TRIM8: variants seen among roughly 807,000 people sequenced by gnomAD.
TRIM8 encodes the protein E3 ubiquitin-protein ligase TRIM8.
TRIM8 carries 9 observed loss-of-function variants against 55.7 expected under a neutral mutation model. That is an observed-to-expected ratio of 0.16 (90% CI 0.10 to 0.28). TRIM8 has a LOEUF of 0.28. Among genes scored for constraint, TRIM8 ranks in the 10% least tolerant of loss-of-function variants. TRIM8 has a pLI of 1.00. For missense variants in TRIM8, 556 were observed against 736.4 expected (o/e 0.76, Z 2.83); for synonymous variants, 335 against 333.3 (o/e 1.01, Z -0.06).
Position 102,656,469 on chromosome 10 carries a change from G to A in TRIM8, c.1048+84G>A. On this transcript the variant is annotated intron_variant, in intron 5 of 5. Coordinates refer to ENST00000643721, the MANE Select transcript of TRIM8 (RefSeq NM_030912.3). The surrounding 1 kb of genome is among the most constrained non-coding windows in gnomAD (Gnocchi z 4.6). ...CACAGCCTTCCCTCCAAGAGGCAGT[G>A]TGGCCCAGTCTGGGAGACCTGTCCT... 1 of 1,531,690 alleles carries A rather than the reference G, an allele frequency of 6.5e-7. No homozygotes were observed. Among genetic ancestry groups the A allele is most frequent in the African/African-American group, 1.4e-5 (1 of 72,856 alleles). The allele number at this position is 1,531,690 out of a possible 1,614,324, so 94.9% of individuals were successfully genotyped here.
intron 1 of TRIM8, among the ~76,000 whole-genome samples, chr10:102,650,622 C>A (rs2063976776): frequency 6.6e-6 from 1 of 152,198 alleles, no homozygotes; most frequent in African/African-American, 2.4e-5. Context: ...CCATGCACTG[C>A]TGTGGGGGGA....
rs560461246 is a variant in TRIM8 at position 102,656,050 on chromosome 10, C to T, written c.901-56C>T. ...GGCAGCTTTTGTCTTCCCCTCTCCC[C>T]GGGCTCTCCCTGGACTGCCTTTTCC... On this transcript the variant is annotated intron_variant, in intron 3 of 5. Transcript: ENST00000643721. This position sits in a 1 kb window ranked among gnomAD's most constrained non-coding sequence, Gnocchi z 4.6. The T allele has an allele frequency of 1.8e-5, 28 of 1,586,990 alleles. No homozygotes were observed. Among genetic ancestry groups the T allele is most frequent in the African/African-American group, 7.3e-5 (5 of 68,720 alleles).
rs2064036567 is a variant in TRIM8, at chr10:102,657,409, G to C, written c.*55G>C. The C allele has an allele frequency of 2.0e-6, 3 of 1,514,886 alleles. No homozygotes were observed. In the African/African-American group the frequency reaches 4.2e-5, roughly 21 times the overall value. The allele number at this position is 1,514,886 out of a possible 1,614,324, so 93.8% of individuals were successfully genotyped here. A position where few individuals can be genotyped will look rare whatever the true frequency, so the allele number is the denominator to read the frequency against. ...TCTTCCTCCCCAGCCCCCGGGCTCG[G>C]GAGTTATGCATCCAGAGACCTGCCC... On this transcript the variant is annotated 3_prime_UTR_variant, in exon 6 of 6. Transcript: ENST00000643721.
chr10:102,651,786 C>A (rs2063987090), intron 1 of TRIM8, among the ~76,000 whole-genome samples: 1 of 152,200 alleles, frequency 6.6e-6, no homozygotes, highest in East Asian at 1.9e-4. Flanking sequence ...CCTGATGTTC[C>A]CAGAGTGTCC....
chr10:102,653,566 T>C (rs1280393445), intron 1 of TRIM8: 1 of 152,792 alleles, frequency 6.5e-6, no homozygotes, highest in African/African-American at 2.4e-5. Flanking sequence ...GGAAAGGGGT[T>C]GTGGGGACAG....
intron 1 of TRIM8, 65 bp downstream of exon 1, chr10:102,645,252 C>G: frequency 7.1e-7 from 1 of 1,415,836 alleles, no homozygotes. Context: ...TCCTCTCTCC[C>G]GCCCCGGGAC....
Position 102,656,654 on chromosome 10 carries a change from A to G in TRIM8, c.1049-93A>G, listed in dbSNP as rs2064027517. The G allele has an allele frequency of 1.5e-5, 22 of 1,497,366 alleles. No homozygotes were observed. Among genetic ancestry groups the G allele is most frequent in the Non-Finnish European group, 1.9e-5 (21 of 1,121,352 alleles). 92.8% of individuals were successfully genotyped at this position (1,497,366 alleles called of 1,614,324 possible). On this transcript the variant is annotated intron_variant, in intron 5 of 5. Transcript: ENST00000643721. The surrounding 1 kb of genome is among the most constrained non-coding windows in gnomAD (Gnocchi z 4.6). ...TGAGATGTAACATTCTTGGGCCTCT[A>G]GGTGTCAATGGTCCCCAGGTCCAAC... is the stretch of plus-strand genomic sequence containing the variant.
intron 1 of TRIM8, 138 bp from the exon 2 acceptor site, chr10:102,654,515 G>A (rs2064008316): frequency 2.7e-6 from 2 of 727,660 alleles, no homozygotes; most frequent in Admixed American, 1.9e-5. Flanking sequence ...GATTGGAGGG[G>A]GCCAAAGGGG....
Position 102,656,023 on chromosome 10 carries a change from G to A in TRIM8, c.901-83G>A, listed in dbSNP as rs564791732. ...CACCCAGCCTGGGGGAGGCTCAGGG[G>A]GGGCAGCTTTTGTCTTCCCCTCTCC... On this transcript the variant is annotated intron_variant, in intron 3 of 5. Transcript: ENST00000643721. The surrounding 1 kb of genome is among the most constrained non-coding windows in gnomAD (Gnocchi z 4.6). The A allele has an allele frequency of 5.0e-6, 8 of 1,605,080 alleles. No individual in the cohort carries two copies. The highest frequency in any genetic ancestry group is 3.3e-5 in the South Asian group (3 of 90,742).
In TRIM8 at chr10:102,656,168, C is replaced by G; in HGVS notation, c.932+31C>G. ...CTGAGGGCCCTAGCCCTCCCGGGGG[C>G]ACATCCTGGGGAGGGCAGGGGGGCC... On this transcript the variant is annotated intron_variant, in intron 4 of 5. Transcript: ENST00000643721. This position sits in a 1 kb window ranked among gnomAD's most constrained non-coding sequence, Gnocchi z 4.6. 1.2e-6 allele frequency: 2 copies of G among 1,614,164 alleles called. No homozygotes were observed. Among genetic ancestry groups the G allele is most frequent in the Non-Finnish European group, 1.7e-6 (2 of 1,180,008 alleles).
intron 3 of TRIM8, 137 bp from the exon 4 acceptor site, chr10:102,655,969 T>A: frequency 1.1e-4 from 140 of 1,243,902 alleles, no homozygotes; most frequent in Middle Eastern, 1.9e-4. Context: ...CCCCTACCCC[T>A]GCCACTTTCT....
chr10:102,657,307 T>C lies in TRIM8; in HGVS notation c.1609T>C (p.Tyr537His), dbSNP rs756354864. ...CCAGCAGCCCGGCCACCAGGATTTC[T>C]ACAGGGTGTATGGGCAGCCGTCCAC... is the stretch of plus-strand genomic sequence containing the variant. Reference protein sequence around the residue: ...ASQQPGHQDFYRVYGQPSTKH... With the variant: ...ASQQPGHQDFHRVYGQPSTKH... The change falls in exon 6 of 6, where the codon TAC becomes CAC. Residue 537 changes from tyrosine to histidine, a missense_variant. Around this residue, in one of 2 missense-constraint regions of TRIM8, gnomAD observed 391 missense variants for 441.0 expected, o/e 0.89. Transcript: ENST00000643721. The C allele has an allele frequency of 1.6e-5, 26 of 1,611,582 alleles. No homozygotes were observed. Among genetic ancestry groups the C allele is most frequent in the Non-Finnish European group, 2.0e-5 (23 of 1,178,690 alleles).
chr10:102,656,343 G>A lies in TRIM8; in HGVS notation c.1006G>A (p.Glu336Lys), dbSNP rs2064024853. The A allele has an allele frequency of 2.5e-6, 4 of 1,614,008 alleles. No individual in the cohort carries two copies. In the African/African-American group the frequency reaches 4.0e-5, roughly 16 times the overall value. ...CCTGAACTCCAAGCTCTTCCTGAAC[G>A]AAGTGGCCAAGAAGGAGAAGCAGCT... is the stretch of plus-strand genomic sequence containing the variant. ...GHLNSKLFLN[E>K]VAKKEKQLRK... is the part of the protein sequence containing the mutation. The change falls in exon 5 of 6, where the codon GAA (glutamate) becomes AAA (lysine). Residue 336 changes from glutamate to lysine, a missense_variant. Coordinates refer to ENST00000643721, the MANE Select transcript of TRIM8 (RefSeq NM_030912.3). The surrounding 1 kb of genome is among the most constrained non-coding windows in gnomAD (Gnocchi z 4.6).
rs377610308 is a variant in TRIM8, at chr10:102,656,720, G to A, written c.1049-27G>A. 2 of 1,506,934 alleles carry A rather than the reference G, an allele frequency of 1.3e-6. No individual in the cohort carries two copies. The highest frequency in any genetic ancestry group is 1.8e-6 in the Non-Finnish European group (2 of 1,129,894). The allele number at this position is 1,506,934 out of a possible 1,614,324, so 93.3% of individuals were successfully genotyped here. Reference sequence around the variant, plus strand: ...CTGGGTTGCTTGGGGTGGGAGCTTTGGCGACTTTTGCCCCAACTCTCCACA... The same window carrying A: ...CTGGGTTGCTTGGGGTGGGAGCTTTAGCGACTTTTGCCCCAACTCTCCACA... On this transcript the variant is annotated intron_variant, in intron 5 of 5. Transcript: ENST00000643721. The surrounding 1 kb of genome is among the most constrained non-coding windows in gnomAD (Gnocchi z 4.6).
At chr10:102,654,543 G>T in intron 1 of TRIM8, 110 bp from the exon 2 acceptor site, 1 of 879,190 alleles carries the variant, frequency 1.1e-6, no homozygotes, top group Non-Finnish European at 1.9e-6. Context: ...GCAGAGGCTT[G>T]GTGCCATCGG....
chr10:102,650,952 C>T (rs1235860126), intron 1 of TRIM8, among the ~76,000 whole-genome samples: 1 of 152,190 alleles, frequency 6.6e-6, no homozygotes, highest in East Asian at 1.9e-4. Flanking sequence ...TATTTCCCAT[C>T]TTCCTTCCAG....
At position 102,657,521 on chromosome 10, in the gene TRIM8, T is replaced by A. The variant is rs2064037753; in HGVS notation, c.*167T>A. On this transcript the variant is annotated 3_prime_UTR_variant, in exon 6 of 6. Coordinates refer to ENST00000643721, the MANE Select transcript of TRIM8 (RefSeq NM_030912.3). ...TTTGTTTTGGTTTTGGCTTTGTTTT[T>A]GATTTTTTTTTATTATGAATCTCCT... The A allele has an allele frequency of 1.1e-6, 1 of 918,334 alleles. No individual in the cohort carries two copies. The highest frequency in any genetic ancestry group is 1.6e-6 in the Non-Finnish European group (1 of 642,406). The allele number at this position is 918,334 out of a possible 1,614,324, so 56.9% of individuals were successfully genotyped here.
At chr10:102,654,087 A>T (rs943916057) in intron 1 of TRIM8, 5 of 153,268 alleles carry the variant, frequency 3.3e-5, no homozygotes, top group African/African-American at 1.2e-4. Flanking sequence ...TGTACAGGAA[A>T]AGTGTTTAGA....
intron 1 of TRIM8, chr10:102,653,476 G>C (rs2135982006): frequency 6.5e-6 from 1 of 152,840 alleles, no homozygotes; most frequent in Middle Eastern, 3.4e-3. Context: ...GAGTCACGGA[G>C]AGTTTTTGAG....
Sources: gnomAD v4.1 joint callset for allele counts (sites outside exome capture counted in the v4.1 genomes callset) on GRCh38, gnomAD v4.1.1 for gene constraint, gnomAD v4.1.1 regional missense constraint, Gnocchi (gnomAD v3.1) non-coding constraint, MANE v1.5 for transcripts, NCBI Gene and HGNC (gene_info 2026-07-23, HGNC 2026-07-21) for gene names.